Variants in PBX1 observed in about 807,000 individuals in gnomAD.
PBX1 encodes the protein pre-B-cell leukemia transcription factor 1.
In PBX1, 6 loss-of-function variants were observed where a neutral mutation model predicts 53.4. That is an observed-to-expected ratio of 0.11 (90% CI 0.06 to 0.22). The LOEUF (loss-of-function observed/expected upper bound fraction) is 0.22. Among genes scored for constraint, PBX1 ranks in the 10% least tolerant of loss-of-function variants. The pLI is 1.00. For synonymous variants in PBX1, 204 were observed against 212.3 expected, an observed-to-expected ratio of 0.96 and a Z score of 0.34; for missense variants, 251 against 551.4, an observed-to-expected ratio of 0.46 and a Z score of 5.46.
chr1:164,805,279 G>A (rs888177525), intron 4 of PBX1, among the ~76,000 whole-genome samples: 3 of 152,192 alleles, frequency 2.0e-5, no homozygotes, highest in Non-Finnish European at 4.4e-5. Context: ...GAAACCAGGT[G>A]TCTCAGTTAG....
Position 164,637,086 on chromosome 1 carries a change from A to G in PBX1, c.265+73775A>G, listed in dbSNP as rs910327768. On this transcript the variant is annotated intron_variant, in intron 2 of 8. Coordinates refer to ENST00000420696, the MANE Select transcript of PBX1 (RefSeq NM_002585.4). ...TGACCTCGTTAATTTTAATGAGGGG[A>G]AAAATTCTCCAGCTGGGGCTGAGAA... Among the ~76,000 whole-genome samples the G allele has an allele frequency of 2.0e-5, 3 of 152,144 alleles. No homozygotes were observed. The South Asian group carries it at 6.2e-4, about 31-fold the overall frequency.
At chr1:164,580,486 G>A (rs996308258) in intron 2 of PBX1, among the ~76,000 whole-genome samples, 1 of 151,880 alleles carries the variant, frequency 6.6e-6, no homozygotes, top group Non-Finnish European at 1.5e-5. Context: ...CACCATGTTG[G>A]CCAGGCTGGT....
chr1:164,687,564 A>T (rs1206821938), intron 2 of PBX1, among the ~76,000 whole-genome samples: 4 of 90,812 alleles, frequency 4.4e-5, no homozygotes, highest in Non-Finnish European at 7.8e-5. Context: ...CCTTGTCTAA[A>T]AAAAAAAAAA....
At chr1:164,626,623 T>A (rs1250799043) in intron 2 of PBX1, among the ~76,000 whole-genome samples, 1 of 152,236 alleles carries the variant, frequency 6.6e-6, no homozygotes, top group African/African-American at 2.4e-5. Context: ...CTTTACTATT[T>A]TGTCTTAAGC....
At position 164,850,179 on chromosome 1, in the gene PBX1, A is replaced by C. The variant is rs1671762583; in HGVS notation, c.*3503A>C. The C allele has an allele frequency of 3.1e-5, 7 of 227,524 alleles. No homozygotes were observed. The South Asian group carries it at 1.1e-3, about 36-fold the overall frequency. 14.1% of individuals were successfully genotyped at this position (227,524 alleles called of 1,614,324 possible). A position where few individuals can be genotyped will look rare whatever the true frequency, so the allele number is the denominator to read the frequency against. On this transcript the variant is annotated 3_prime_UTR_variant, in exon 9 of 9. Coordinates refer to ENST00000420696, the MANE Select transcript of PBX1 (RefSeq NM_002585.4). ...TGACAATGCGCATCATTCCTGCATT[A>C]GTTTTTAACACCAGACTACCTACAT...
chr1:164,850,903 T>G lies in PBX1; in HGVS notation c.*4227T>G, dbSNP rs1191289222. On this transcript the variant is annotated 3_prime_UTR_variant, in exon 9 of 9. Transcript: ENST00000420696. ...ATTTCTCCCTAATTAATAACTACAT[T>G]CCATGAGGCCTCTTCCAACCAAAGA... 1 of 212,246 alleles carries G rather than the reference T, an allele frequency of 4.7e-6. No homozygotes were observed. The highest frequency in any genetic ancestry group is 2.3e-5 in the African/African-American group (1 of 44,196). 13.1% of individuals were successfully genotyped at this position (212,246 alleles called of 1,614,324 possible).
chr1:164,559,301 C>G lies in PBX1; in HGVS notation c.-522C>G, dbSNP rs1452950348. On this transcript the variant is annotated 5_prime_UTR_variant, in exon 1 of 9. Coordinates refer to ENST00000420696, the MANE Select transcript of PBX1 (RefSeq NM_002585.4). ...AGATCTGGCTTTTGCAACAGCCCAC[C>G]CCCTTTGAGATCACTCTGGCCCGGA... 1 of 196,310 alleles carries G rather than the reference C, an allele frequency of 5.1e-6. No homozygotes were observed. The highest frequency in any genetic ancestry group is 6.1e-5 in the Admixed American group (1 of 16,348). 12.2% of individuals were successfully genotyped at this position (196,310 alleles called of 1,614,324 possible).
At chr1:164,572,184 G>C (rs1264392195) in intron 2 of PBX1, among the ~76,000 whole-genome samples, 1 of 151,842 alleles carries the variant, frequency 6.6e-6, no homozygotes, top group African/African-American at 2.4e-5. Flanking sequence ...TGGAGTTACA[G>C]GTGTGAGGCA....
intron 2 of PBX1, among the ~76,000 whole-genome samples, chr1:164,616,907 A>C (rs1387356361): frequency 2.6e-5 from 4 of 152,192 alleles, no homozygotes; most frequent in Admixed American, 1.3e-4. Context: ...TTTGAGACTG[A>C]GGTTCAAATA....
At chr1:164,638,629 C>T (rs955409820) in intron 2 of PBX1, among the ~76,000 whole-genome samples, 8 of 152,178 alleles carry the variant, frequency 5.3e-5, no homozygotes, top group Admixed American at 1.3e-4. Flanking sequence ...TGGAGCAGAG[C>T]GTGACTACTG....
intron 2 of PBX1, among the ~76,000 whole-genome samples, chr1:164,663,196 T>TCCTGCCTTCCTTCCTGCCTTCCTG (rs1445769853): frequency 5.2e-4 from 77 of 148,782 alleles, no homozygotes; most frequent in South Asian, 2.0e-3. Flanking sequence ...CTGTCTTCCT[T>TCCTGCCTTCCTTCCTGCCTTCCTG]CCTGCCTTCC....
At chr1:164,581,382 C>T (rs533148990) in intron 2 of PBX1, among the ~76,000 whole-genome samples, 148 of 152,128 alleles carry the variant, frequency 9.7e-4, no homozygotes, top group African/African-American at 3.4e-3. Context: ...CACGGGCCAC[C>T]GCGCCTGGCT....
intron 2 of PBX1, among the ~76,000 whole-genome samples, chr1:164,740,329 A>T (rs1298140396): frequency 6.6e-6 from 1 of 152,150 alleles, no homozygotes; most frequent in Non-Finnish European, 1.5e-5. Flanking sequence ...AAAGAATATG[A>T]TGCAATAAAT....
chr1:164,844,593 C>T (rs2102416425), intron 8 of PBX1, among the ~76,000 whole-genome samples: 1 of 152,134 alleles, frequency 6.6e-6, no homozygotes, highest in Admixed American at 6.5e-5. Flanking sequence ...TTCTAATTTC[C>T]CAAATATTAG....
chr1:164,711,671 G>C (rs898450998), intron 2 of PBX1, among the ~76,000 whole-genome samples: 2 of 152,216 alleles, frequency 1.3e-5, no homozygotes, highest in Non-Finnish European at 2.9e-5. Context: ...TGGGAGAGCG[G>C]AGATTTTGGA....
intron 6 of PBX1, chr1:164,815,191 G>C (rs1211214738): frequency 6.6e-6 from 1 of 152,156 alleles, no homozygotes; most frequent in Non-Finnish European, 1.5e-5. Flanking sequence ...AGAAAAATGA[G>C]GCCCTTTCAA....
intron 2 of PBX1, among the ~76,000 whole-genome samples, chr1:164,594,038 A>G (rs1458749866): frequency 6.6e-6 from 1 of 152,186 alleles, no homozygotes; most frequent in Non-Finnish European, 1.5e-5. Context: ...TTAATAGCAT[A>G]GTGTGATTAT....
intron 4 of PBX1, among the ~76,000 whole-genome samples, chr1:164,806,413 T>C (rs555959435): frequency 6.6e-6 from 1 of 152,220 alleles, no homozygotes; most frequent in Non-Finnish European, 1.5e-5. Context: ...TTTTCTCCTT[T>C]TGAGGGATGT....
At chr1:164,870,246 CTT>C (rs1672323285) in intron 2 of PBX1, among the ~76,000 whole-genome samples, 1 of 59,286 alleles carries the variant, frequency 1.7e-5, no homozygotes, top group African/African-American at 7.1e-5. Flanking sequence ...TCCTTCCTTC[CTT>C]CCTTCCTTCC....
Sources: allele counts gnomAD v4.1 joint callset (sites outside exome capture counted in the v4.1 genomes callset), GRCh38; gene constraint gnomAD v4.1.1; transcripts MANE v1.5; gene names NCBI Gene and HGNC (gene_info 2026-07-23, HGNC 2026-07-21).